Variants in ZCWPW2 observed in about 807,000 individuals in gnomAD.
ZCWPW2 encodes the protein zinc finger CW-type PWWP domain protein 2.
A neutral mutation model predicts 46.6 loss-of-function variants in ZCWPW2; 45 were observed. That is an observed-to-expected ratio of 0.96 (90% CI 0.76 to 1.24). The LOEUF (loss-of-function observed/expected upper bound fraction) is 1.24. Ranked by LOEUF, ZCWPW2 falls within the 50% of genes most tolerant of loss-of-function variation. The probability of loss-of-function intolerance (pLI) is 0.00; values close to 1 mark genes in which losing one functional copy is unlikely to be tolerated. For synonymous variants in ZCWPW2, 152 were observed against 137.1 expected (o/e 1.11, Z -0.76); for missense variants, 429 against 403.9 (o/e 1.06, Z -0.53).
intron 8 of ZCWPW2, 62 bp downstream of exon 8, chr3:28,515,683 T>C (rs1466922923): frequency 7.5e-6 from 11 of 1,459,344 alleles, no homozygotes; most frequent in Non-Finnish European, 9.4e-6. Context: ...CAGAATGTAG[T>C]TGTAGTCCTT....
intron 3 of ZCWPW2, among the ~76,000 whole-genome samples, chr3:28,430,172 T>C (rs1334387578): frequency 1.3e-5 from 2 of 152,170 alleles, no homozygotes; most frequent in African/African-American, 4.8e-5. Flanking sequence ...TTAAAGCAAC[T>C]GGGAGTGGGA....
chr3:28,413,283 C>T lies in ZCWPW2; in HGVS notation c.215C>T (p.Ser72Leu), dbSNP rs146635200. 50 of 1,613,068 alleles carry T rather than the reference C, an allele frequency of 3.1e-5. No homozygotes were observed. Among genetic ancestry groups the T allele is most frequent in the Middle Eastern group, 3.3e-4 (2 of 6,072 alleles). ...MNTDSRYNNC[S>L]ISEEDFPEES... The stretch of plus-strand genomic sequence containing the variant: ...ACTGATTCAAGATATAATAACTGCT[C>T]AATTTCTGAAGAAGACTTCCCTGAA... Residue 72 changes from serine (S) to leucine (L), a missense_variant, in exon 3 of 10, where the codon TCA becomes TTA. Physicochemically the swap from Ser to Leu is moderately radical, Grantham distance 145 (BLOSUM62 -2). Transcript: ENST00000383768.
intron 1 of ZCWPW2, among the ~76,000 whole-genome samples, chr3:28,385,250 CAAAGTGTGAGTCT>C (rs1559482337): frequency 6.6e-6 from 1 of 152,112 alleles, no homozygotes; most frequent in Non-Finnish European, 1.5e-5. Flanking sequence ...GTCAATAGCT[CAAAGTGTGAGTCT>C]CTGTGACACC....
intron 2 of ZCWPW2, among the ~76,000 whole-genome samples, chr3:28,404,793 G>A (rs188571065): frequency 8.5e-5 from 13 of 152,240 alleles, no homozygotes; most frequent in Admixed American, 3.3e-4. Flanking sequence ...AAAACCAAAC[G>A]TCATATTCCT....
intron 3 of ZCWPW2, among the ~76,000 whole-genome samples, chr3:28,417,202 A>G (rs539765530): frequency 6.6e-6 from 1 of 152,116 alleles, no homozygotes; most frequent in African/African-American, 2.4e-5. Flanking sequence ...GATCCCACAG[A>G]AATACAAACT....
Position 28,349,164 on chromosome 3 carries a change from G to A in ZCWPW2, c.-173G>A. ...GAGCCTCCGCGGCGGGACGGGGCGG[G>A]GCCGCGGGACGCCAGGAGGCGGAGG... On this transcript the variant is annotated 5_prime_UTR_variant, in exon 1 of 10. Transcript: ENST00000383768. The A allele has an allele frequency of 1.3e-5, 13 of 985,730 alleles. No homozygotes were observed. Among genetic ancestry groups the A allele is most frequent in the Non-Finnish European group, 1.4e-5 (12 of 830,186 alleles). The allele number at this position is 985,730 out of a possible 1,614,324, so 61.1% of individuals were successfully genotyped here. A position where few individuals can be genotyped will look rare whatever the true frequency, so the allele number is the denominator to read the frequency against.
At chr3:28,398,891 T>C (rs904505302) in intron 2 of ZCWPW2, among the ~76,000 whole-genome samples, 7 of 152,282 alleles carry the variant, frequency 4.6e-5, no homozygotes, top group Admixed American at 2.6e-4. Flanking sequence ...GAAGGAAATA[T>C]CCAGCTGAAC....
At chr3:28,366,997 T>G (rs934731103) in intron 1 of ZCWPW2, among the ~76,000 whole-genome samples, 2 of 152,096 alleles carry the variant, frequency 1.3e-5, no homozygotes, top group African/African-American at 4.8e-5. Context: ...ATACCCCCTT[T>G]TAACATTTTT....
intron 4 of ZCWPW2, among the ~76,000 whole-genome samples, chr3:28,467,156 G>T (rs1471611521): frequency 6.6e-6 from 1 of 152,076 alleles, no homozygotes; most frequent in Non-Finnish European, 1.5e-5. Context: ...ATTCAAATAA[G>T]AAAAGTTGTA....
At chr3:28,437,067 A>C (rs1575133491) in intron 4 of ZCWPW2, among the ~76,000 whole-genome samples, 2 of 152,168 alleles carry the variant, frequency 1.3e-5, no homozygotes, top group Admixed American at 6.5e-5. Flanking sequence ...CACCACATTG[A>C]TCTAGATATT....
chr3:28,475,643 A>C (rs147037054), intron 4 of ZCWPW2, among the ~76,000 whole-genome samples: 1 of 152,088 alleles, frequency 6.6e-6, no homozygotes, highest in East Asian at 1.9e-4. Flanking sequence ...CTCTCTCTTC[A>C]TCGTTTAGAC....
At chr3:28,460,408 C>A (rs925534099) in intron 4 of ZCWPW2, among the ~76,000 whole-genome samples, 5 of 152,166 alleles carry the variant, frequency 3.3e-5, no homozygotes, top group Admixed American at 3.3e-4. Context: ...AGCAACAAGT[C>A]AGTAATAGTT....
chr3:28,442,857 TG>T (rs1359390152), intron 4 of ZCWPW2, among the ~76,000 whole-genome samples: 1 of 152,182 alleles, frequency 6.6e-6, no homozygotes, highest in East Asian at 1.9e-4. Flanking sequence ...AAGTCCTTGA[TG>T]GTGGCACTAG....
intron 6 of ZCWPW2, among the ~76,000 whole-genome samples, chr3:28,506,072 TTAAATATATATATTATATATATAA>T (rs1290016420): frequency 1.4e-5 from 2 of 147,434 alleles, no homozygotes; most frequent in Non-Finnish European, 3.0e-5. Context: ...CTAATTATCA[TTAAATATATATATTATATATATAA>T]TATATAATAT....
At chr3:28,406,317 A>T (rs572276521) in intron 2 of ZCWPW2, among the ~76,000 whole-genome samples, 11 of 152,308 alleles carry the variant, frequency 7.2e-5, no homozygotes, top group African/African-American at 2.6e-4. Context: ...TCTCAACAGA[A>T]GCCAATATCT....
intron 8 of ZCWPW2, among the ~76,000 whole-genome samples, chr3:28,517,591 C>G (rs996234562): frequency 1.3e-5 from 2 of 152,188 alleles, no homozygotes; most frequent in African/African-American, 4.8e-5. Context: ...TACCTCCTAC[C>G]AGGCCCCACT....
chr3:28,498,484 A>G (rs1345295740), intron 6 of ZCWPW2, among the ~76,000 whole-genome samples: 1 of 152,036 alleles, frequency 6.6e-6, no homozygotes, highest in Non-Finnish European at 1.5e-5. Context: ...CAAAGCAATT[A>G]TAATAACATA....
At chr3:28,421,807 G>T (rs1192922783) in intron 3 of ZCWPW2, among the ~76,000 whole-genome samples, 1 of 144,998 alleles carries the variant, frequency 6.9e-6, no homozygotes, top group African/African-American at 2.6e-5. Flanking sequence ...GCTTCATCTT[G>T]TTGAGAACCA....
rs78548745 is a variant in ZCWPW2, at chr3:28,511,617, C to T, written c.658-2447C>T. On this transcript the variant is annotated intron_variant, in intron 6 of 9. Coordinates refer to ENST00000383768, the MANE Select transcript of ZCWPW2 (RefSeq NM_001040432.4). ...GGTTTAACAATGTAAACCTAATCAC[C>T]ATCACTCTTCTTCTGAATAATTCAA... 5.2e-4 allele frequency among the ~76,000 whole-genome samples: 79 copies of T among 152,138 alleles called. 1 individual carries two copies. The East Asian group carries it at 0.014, about 27-fold the overall frequency.
Sources: allele counts gnomAD v4.1 joint callset (sites outside exome capture counted in the v4.1 genomes callset), GRCh38; gene constraint gnomAD v4.1.1; transcripts MANE v1.5; gene names NCBI Gene and HGNC (gene_info 2026-07-23, HGNC 2026-07-21).